The following ARFGEF1 variants were observed in gnomAD, a reference collection of about 807,000 sequenced individuals.
ARFGEF1 encodes the protein brefeldin A-inhibited guanine nucleotide-exchange protein 1.
In ARFGEF1, 42 loss-of-function variants were observed where a neutral mutation model predicts 231.0. The ratio of observed to expected loss-of-function variants is 0.18; its 90% confidence interval spans 0.14 to 0.24. ARFGEF1 has a LOEUF of 0.24. ARFGEF1 is among the 10% of genes least tolerant of loss of function. ARFGEF1 has a pLI of 1.00. For missense variants in ARFGEF1, 1,345 were observed against 2,192.0 expected (o/e 0.61, Z 7.72); for synonymous variants, 710 against 732.3 (o/e 0.97, Z 0.49).
intron 30 of ARFGEF1, 44 bp from the exon 31 acceptor site, chr8:67,218,182 T>A: frequency 3.7e-6 from 3 of 809,842 alleles, no homozygotes; most frequent in Non-Finnish European, 4.7e-6. Context: ...ATTAATCAAC[T>A]ACTATGATTA....
chr8:67,222,891 A>G (rs1027507209), intron 29 of ARFGEF1, among the ~76,000 whole-genome samples: 2 of 152,182 alleles, frequency 1.3e-5, no homozygotes, highest in African/African-American at 4.8e-5. Flanking sequence ...CAGCCTGTTT[A>G]GATATGTTTA....
chr8:67,183,332 A>G (rs1033089628), intron 5 of ARFGEF1, among the ~76,000 whole-genome samples: 4 of 152,232 alleles, frequency 2.6e-5, no homozygotes, highest in Non-Finnish European at 5.9e-5. Flanking sequence ...TTCATTAACA[A>G]CAGCAGAACC....
intron 9 of ARFGEF1, among the ~76,000 whole-genome samples, chr8:67,272,154 T>C (rs1465346020): frequency 6.6e-6 from 1 of 152,168 alleles, no homozygotes; most frequent in African/African-American, 2.4e-5. Context: ...GAACCATATA[T>C]TTATAATTTC....
In ARFGEF1 at chr8:67,296,311, T is replaced by C. The variant is rs555977629; in HGVS notation, c.639+120A>G. 312 of 938,308 alleles carry C rather than the reference T, an allele frequency of 3.3e-4. No individual in the cohort carries two copies. In the African/African-American group the frequency reaches 4.7e-3, roughly 14 times the overall value. 58.1% of individuals were successfully genotyped at this position (938,308 alleles called of 1,614,324 possible). A position where few individuals can be genotyped will look rare whatever the true frequency, so the allele number is the denominator to read the frequency against. ...CCCACAAATCTCCAGTAAGTGGAAA[T>C]GTAAATAAAAGACATTCTTTTCTAC... On this transcript the variant is annotated intron_variant, in intron 5 of 38. Coordinates refer to ENST00000262215, the MANE Select transcript of ARFGEF1 (RefSeq NM_006421.5).
chr8:67,266,759 C>T, intron 13 of ARFGEF1, 117 bp downstream of exon 13: 1 of 660,144 alleles, frequency 1.5e-6, no homozygotes, highest in Non-Finnish European at 2.4e-6. Flanking sequence ...AGAATGTTTC[C>T]TCATCAGTTA....
intron 23 of ARFGEF1, among the ~76,000 whole-genome samples, chr8:67,231,998 A>G (rs777191645): frequency 6.6e-6 from 1 of 152,066 alleles, no homozygotes; most frequent in Non-Finnish European, 1.5e-5. Flanking sequence ...AACAGCAAGT[A>G]GACATTAAGA....
chr8:67,330,836 CA>C (rs1411513304), intron 1 of ARFGEF1, among the ~76,000 whole-genome samples: 1 of 152,110 alleles, frequency 6.6e-6, no homozygotes, highest in African/African-American at 2.4e-5. Context: ...AACACATTCT[CA>C]ATTATCAGGT....
At position 67,238,248 on chromosome 8, in the gene ARFGEF1, T is replaced by C. The variant is rs1839829158; in HGVS notation, c.3289+95A>G. ...TCATAAGGTTAGACAAAAGGCATTT[T>C]ATCTTCTCCTTCTAATTATATTTCA... is the stretch of plus-strand genomic sequence containing the variant. On this transcript the variant is annotated intron_variant, in intron 22 of 38. Transcript: ENST00000262215. 2.3e-6 allele frequency: 3 copies of C among 1,321,766 alleles called. No homozygotes were observed. The African/African-American group carries it at 4.5e-5, about 20-fold the overall frequency. 81.9% of individuals were successfully genotyped at this position (1,321,766 alleles called of 1,614,324 possible).
At chr8:67,233,142 A>G (rs1839607439) in intron 22 of ARFGEF1, among the ~76,000 whole-genome samples, 197 bp from the exon 23 acceptor site, 1 of 152,058 alleles carries the variant, frequency 6.6e-6, no homozygotes, top group South Asian at 2.1e-4. Context: ...TATACAACAC[A>G]TGGTTATAAG....
chr8:67,181,660 G>A (rs1301545098), intron 5 of ARFGEF1, among the ~76,000 whole-genome samples: 1 of 151,948 alleles, frequency 6.6e-6, no homozygotes, highest in Non-Finnish European at 1.5e-5. Flanking sequence ...TAAAAAATAG[G>A]GTTTTTAAAA....
At chr8:67,229,759 T>C (rs1386322097) in intron 23 of ARFGEF1, among the ~76,000 whole-genome samples, 1 of 152,020 alleles carries the variant, frequency 6.6e-6, no homozygotes, top group Non-Finnish European at 1.5e-5. Context: ...TGGAAGGCAA[T>C]GGCTGTAAAC....
rs1353450636 is a variant in ARFGEF1 at position 67,299,307 on chromosome 8, T to C, written c.361A>G (p.Thr121Ala). Residue 121 changes from threonine (T) to alanine (A), a missense_variant, in exon 4 of 39, where the codon ACA becomes GCA. Coordinates refer to ENST00000262215, the MANE Select transcript of ARFGEF1 (RefSeq NM_006421.5). ...CTATCAATTAATTTTTTGCCTGGTG[T>C]TGTACTATCTGGAGCATTGCCAGTC... ...HLTGNAPDSTTPGKKLIDRII... is the reference protein window; with the variant it reads ...HLTGNAPDSTAPGKKLIDRII... The C allele has an allele frequency of 1.9e-6, 3 of 1,611,394 alleles. No homozygotes were observed. The highest frequency in any genetic ancestry group is 2.2e-5 in the East Asian group (1 of 44,808).
At position 67,300,660 on chromosome 8, in the gene ARFGEF1, CAAAAAAAAAAAAAAAA is replaced by C. The variant is rs200434355; in HGVS notation, c.312+548_312+563del. Among the ~76,000 whole-genome samples the C allele has an allele frequency of 3.2e-3, 288 of 88,680 alleles. 4 individuals carry two copies. Among genetic ancestry groups the C allele is most frequent in the African/African-American group, 0.011 (273 of 25,908 alleles). 58.2% of individuals were successfully genotyped at this position (88,680 alleles called of 152,430 possible). A position where few individuals can be genotyped will look rare whatever the true frequency, so the allele number is the denominator to read the frequency against. ...CAACATGGTGAAACTCTTGTCTCTT[CAAAAAAAAAAAAAAAA>C]AAAAAAAAAATACAAAAATTAGCTG... On this transcript the variant is annotated intron_variant, in intron 3 of 38. Transcript: ENST00000262215.
At chr8:67,278,266 T>A (rs1426986366) in intron 7 of ARFGEF1, among the ~76,000 whole-genome samples, 1 of 152,194 alleles carries the variant, frequency 6.6e-6, no homozygotes, top group Non-Finnish European at 1.5e-5. Context: ...TGTGTTTCAA[T>A]CATGTCTTCA....
chr8:67,338,693 A>C (rs1808459010), intron 1 of ARFGEF1, among the ~76,000 whole-genome samples: 1 of 152,260 alleles, frequency 6.6e-6, no homozygotes, highest in African/African-American at 2.4e-5. Flanking sequence ...AGAAAAGAAC[A>C]AATACAAATA....
At chr8:67,323,472 G>A (rs142453051) in intron 1 of ARFGEF1, among the ~76,000 whole-genome samples, 5 of 152,156 alleles carry the variant, frequency 3.3e-5, no homozygotes, top group African/African-American at 1.2e-4. Flanking sequence ...TCTTTACTCT[G>A]GTGTCCCATA....
chr8:67,245,672 CAGGA>C lies in ARFGEF1; in HGVS notation c.2851-5386_2851-5383del, dbSNP rs1840082295. 3.4e-5 allele frequency among the ~76,000 whole-genome samples: 5 copies of C among 149,224 alleles called. 1 individual carries two copies. In the South Asian group the frequency reaches 1.1e-3, roughly 32 times the overall value. On this transcript the variant is annotated intron_variant, in intron 19 of 38. Transcript: ENST00000262215. ...ACAATAACCTTCACTAAAAGGAAGACAGGAAAGAAGGAAAGAAAGAAGAAAAGAC... is the reference window on the plus strand; with the variant it reads ...ACAATAACCTTCACTAAAAGGAAGACAAGAAGGAAAGAAAGAAGAAAAGAC...
At chr8:67,216,997 C>CA (rs751978111) in intron 32 of ARFGEF1, among the ~76,000 whole-genome samples, 1,620 of 127,654 alleles carry the variant, frequency 0.013, 17 homozygotes, top group African/African-American at 0.036. Flanking sequence ...AGAGGCTTCT[C>CA]AAAAAAAAAA....
intron 1 of ARFGEF1, among the ~76,000 whole-genome samples, chr8:67,342,331 G>A (rs928843765): frequency 6.6e-6 from 1 of 152,054 alleles, no homozygotes; most frequent in Non-Finnish European, 1.5e-5. Context: ...TCCCTGCTGC[G>A]GGCTTCATTA....
Sources: allele counts gnomAD v4.1 joint callset (sites outside exome capture counted in the v4.1 genomes callset), GRCh38; gene constraint gnomAD v4.1.1; transcripts MANE v1.5; gene names NCBI Gene and HGNC (gene_info 2026-07-23, HGNC 2026-07-21).